Variants in TASP1 observed in about 807,000 individuals in gnomAD.
The protein encoded by TASP1 is taspase 1.
TASP1 carries 16 observed loss-of-function variants against 56.6 expected under a neutral mutation model. The observed-to-expected ratio is 0.28, with a 90% CI of 0.19 to 0.43. The LOEUF is 0.43. Ranked by LOEUF, TASP1 falls within the 20% of genes least tolerant of loss-of-function variation. The pLI is 1.00. For synonymous variants in TASP1, 179 were observed against 184.2 expected, an observed-to-expected ratio of 0.97 and a Z score of 0.23; for missense variants, 393 against 511.6, an observed-to-expected ratio of 0.77 and a Z score of 2.24.
At chr20:13,194,974 C>T in the TASP1 span, among the ~76,000 whole-genome samples, 1 of 152,030 alleles carries the variant, frequency 6.6e-6, no homozygotes, top group African/African-American at 2.4e-5. Flanking sequence ...GGGTGCCTTG[C>T]AGCAACCACA....
At chr20:13,263,802 T>C in the TASP1 span, among the ~76,000 whole-genome samples, 6 of 152,346 alleles carry the variant, frequency 3.9e-5, no homozygotes, top group African/African-American at 1.4e-4. Flanking sequence ...CAGCCCCAAA[T>C]GAGGATATAT....
chr20:13,528,937 T>C (rs947636255), intron 9 of TASP1, among the ~76,000 whole-genome samples: 1 of 152,144 alleles, frequency 6.6e-6, no homozygotes, highest in Non-Finnish European at 1.5e-5. Flanking sequence ...AATTCTGACT[T>C]AGTGTCTGGG....
chr20:13,305,757 A>G, the TASP1 span, among the ~76,000 whole-genome samples: 1 of 152,208 alleles, frequency 6.6e-6, no homozygotes, highest in Admixed American at 6.5e-5. Context: ...AGAAGGTAAG[A>G]TTTTTAAGGA....
the TASP1 span, among the ~76,000 whole-genome samples, chr20:13,269,397 C>G: frequency 4.6e-5 from 7 of 152,224 alleles, 1 homozygote; most frequent in Admixed American, 4.6e-4. Context: ...CTGGGAAAAA[C>G]AGTGGGCTTG....
At chr20:13,418,130 T>C (rs539670539) in intron 12 of TASP1, among the ~76,000 whole-genome samples, 2 of 152,314 alleles carry the variant, frequency 1.3e-5, no homozygotes, top group Admixed American at 1.3e-4. Context: ...CAGGCTGGTC[T>C]CGAACTCCTG....
chr20:13,415,181 G>C (rs2042214916), intron 13 of TASP1, among the ~76,000 whole-genome samples: 1 of 152,182 alleles, frequency 6.6e-6, no homozygotes, highest in South Asian at 2.1e-4. Context: ...AACCAGTCAT[G>C]ATGCTGAACA....
chr20:13,520,370 CTATAT>C (rs1454657225), intron 10 of TASP1, among the ~76,000 whole-genome samples: 2 of 152,192 alleles, frequency 1.3e-5, no homozygotes, highest in Non-Finnish European at 2.9e-5. Flanking sequence ...TGACTTCAAA[CTATAT>C]TATAAGACTA....
chr20:13,302,882 G>C, the TASP1 span, among the ~76,000 whole-genome samples: 1 of 152,080 alleles, frequency 6.6e-6, no homozygotes, highest in Non-Finnish European at 1.5e-5. Context: ...CTTTCTCTTC[G>C]GACCCAGTTC....
chr20:13,222,893 T>C, the TASP1 span, among the ~76,000 whole-genome samples: 34 of 152,178 alleles, frequency 2.2e-4, no homozygotes, highest in East Asian at 1.9e-4. Flanking sequence ...CCAGGCGCGG[T>C]GGCTCACGCC....
chr20:13,140,488 A>G, the TASP1 span, among the ~76,000 whole-genome samples: 1 of 152,172 alleles, frequency 6.6e-6, no homozygotes, highest in African/African-American at 2.4e-5. Context: ...AAAACTAGAG[A>G]CTTCCTATCA....
chr20:13,527,223 A>G (rs2045016394), intron 10 of TASP1, among the ~76,000 whole-genome samples: 1 of 152,130 alleles, frequency 6.6e-6, no homozygotes, highest in Admixed American at 6.6e-5. Context: ...TACATGCAAA[A>G]GAAAAAGTCA....
At chr20:13,459,527 G>T (rs540652207) in intron 11 of TASP1, among the ~76,000 whole-genome samples, 1 of 152,266 alleles carries the variant, frequency 6.6e-6, no homozygotes, top group South Asian at 2.1e-4. Context: ...CTTTGCTGAA[G>T]ATAATTACAC....
At chr20:13,232,470 T>C in the TASP1 span, among the ~76,000 whole-genome samples, 1 of 152,254 alleles carries the variant, frequency 6.6e-6, no homozygotes, top group African/African-American at 2.4e-5. Flanking sequence ...TGTGCATAGA[T>C]AATTTGTTCC....
intron 12 of TASP1, among the ~76,000 whole-genome samples, chr20:13,431,747 C>T (rs972813767): frequency 2.0e-5 from 3 of 152,128 alleles, no homozygotes; most frequent in African/African-American, 7.2e-5. Context: ...GTGATTAGGT[C>T]TTAAGGACTC....
At chr20:13,601,689 G>C (rs1180455801) in intron 4 of TASP1, among the ~76,000 whole-genome samples, 1 of 151,866 alleles carries the variant, frequency 6.6e-6, no homozygotes, top group Non-Finnish European at 1.5e-5. Flanking sequence ...TATGTGTAGA[G>C]GGAAAAAAGA....
the TASP1 span, among the ~76,000 whole-genome samples, chr20:13,376,513 C>A: frequency 6.6e-6 from 1 of 152,278 alleles, no homozygotes; most frequent in South Asian, 2.1e-4. Flanking sequence ...AAGCGTGATG[C>A]CTCCAGCTTT....
At chr20:13,114,779 AAGG>A in the TASP1 span, among the ~76,000 whole-genome samples, 3,639 of 152,260 alleles carry the variant, frequency 0.024, 144 homozygotes, top group African/African-American at 0.083. Context: ...TGGGCCCACC[AAGG>A]AGATTTTTCC....
chr20:13,465,176 C>A (rs2044205804), intron 11 of TASP1, among the ~76,000 whole-genome samples: 1 of 123,262 alleles, frequency 8.1e-6, no homozygotes, highest in African/African-American at 3.2e-5. Context: ...CTTTCTCTCT[C>A]CCAAAAAAAA....
the TASP1 span, among the ~76,000 whole-genome samples, chr20:13,199,405 C>T: frequency 6.9e-3 from 1,043 of 152,188 alleles, 4 homozygotes; most frequent in Non-Finnish European, 0.011. Flanking sequence ...CTCCTTCCCT[C>T]CCTCCATGCA....
Sources: gnomAD v4.1 joint callset for allele counts (sites outside exome capture counted in the v4.1 genomes callset) on GRCh38, gnomAD v4.1.1 for gene constraint, MANE v1.5 for transcripts, NCBI Gene and HGNC (gene_info 2026-07-23, HGNC 2026-07-21) for gene names.